The following SNTB1 variants were observed in gnomAD, a reference collection of about 807,000 sequenced individuals.
The protein encoded by SNTB1 is syntrophin beta 1.
In SNTB1, 36 loss-of-function variants were observed where a neutral mutation model predicts 48.9. That is an observed-to-expected ratio of 0.74 (90% CI 0.56 to 0.97). SNTB1 has a LOEUF of 0.97. Ranked by LOEUF, SNTB1 falls within the 50% of genes least tolerant of loss-of-function variation. The probability of loss-of-function intolerance (pLI) is 0.00; values close to 1 mark genes in which losing one functional copy is unlikely to be tolerated. For missense variants in SNTB1, 786 were observed against 703.4 expected (o/e 1.12, Z -1.33); for synonymous variants, 299 against 294.6 (o/e 1.01, Z -0.15).
intron 6 of SNTB1, chr8:120,541,220 GTA>G (rs1815282735): frequency 2.0e-5 from 3 of 152,196 alleles, no homozygotes; most frequent in Admixed American, 2.0e-4. Flanking sequence ...GAGACGAGAC[GTA>G]TGTTACTTTA....
In SNTB1 at chr8:120,782,497, C is replaced by A. The variant is rs58065721; in HGVS notation, c.571+28776G>T. Among the ~76,000 whole-genome samples, 849 of 152,176 alleles carry A rather than the reference C, an allele frequency of 5.6e-3. 10 individuals are homozygous for A. Among genetic ancestry groups the A allele is most frequent in the African/African-American group, 0.018 (741 of 41,510 alleles). Reference sequence around the variant, plus strand: ...TGGTTAGAGATTTCCTGCACATTTACCTATTTTTAAAAACTCTATTAAATA... The same window carrying A: ...TGGTTAGAGATTTCCTGCACATTTAACTATTTTTAAAAACTCTATTAAATA... On this transcript the variant is annotated intron_variant, in intron 1 of 6. Transcript: ENST00000517992.
chr8:120,654,555 C>T (rs1034336735), intron 2 of SNTB1, among the ~76,000 whole-genome samples: 2 of 152,138 alleles, frequency 1.3e-5, no homozygotes, highest in African/African-American at 4.8e-5. Context: ...GGAACTATTT[C>T]TGATAACAGC....
At chr8:120,771,733 C>A (rs547556229) in intron 1 of SNTB1, among the ~76,000 whole-genome samples, 1 of 151,536 alleles carries the variant, frequency 6.6e-6, no homozygotes, top group East Asian at 1.9e-4. Context: ...TAATTTACAT[C>A]AAGCTCTCTG....
At chr8:120,548,363 A>G (rs1449156188) in intron 5 of SNTB1, among the ~76,000 whole-genome samples, 1 of 152,152 alleles carries the variant, frequency 6.6e-6, no homozygotes, top group East Asian at 1.9e-4. Flanking sequence ...TTTTCTGATC[A>G]ATCCTATTAA....
chr8:120,722,756 A>G (rs1167075296), intron 1 of SNTB1, among the ~76,000 whole-genome samples: 1 of 152,140 alleles, frequency 6.6e-6, no homozygotes, highest in Admixed American at 6.5e-5. Flanking sequence ...ATTAGATCCC[A>G]TTTGTCAATT....
At chr8:120,806,431 A>C (rs6985848) in intron 1 of SNTB1, among the ~76,000 whole-genome samples, 1 of 152,054 alleles carries the variant, frequency 6.6e-6, no homozygotes, top group Non-Finnish European at 1.5e-5. Flanking sequence ...ATGACCTCTG[A>C]TGTAGTTGTG....
intron 3 of SNTB1, among the ~76,000 whole-genome samples, chr8:120,601,312 T>C (rs948493430): frequency 9.9e-5 from 15 of 152,162 alleles, no homozygotes; most frequent in Non-Finnish European, 1.9e-4. Flanking sequence ...TGGTAAAATT[T>C]AGATTTCGTT....
intron 2 of SNTB1, among the ~76,000 whole-genome samples, chr8:120,667,648 G>A (rs1817695732): frequency 6.6e-6 from 1 of 152,130 alleles, no homozygotes; most frequent in East Asian, 1.9e-4. Flanking sequence ...GTGAACAACT[G>A]CGTGTGGCCC....
At chr8:120,666,315 C>T (rs1817672948) in intron 2 of SNTB1, among the ~76,000 whole-genome samples, 1 of 152,184 alleles carries the variant, frequency 6.6e-6, no homozygotes, top group African/African-American at 2.4e-5. Flanking sequence ...GTCTTCATTT[C>T]ACCTTAATTT....
intron 2 of SNTB1, among the ~76,000 whole-genome samples, chr8:120,671,596 C>T (rs145086699): frequency 7.9e-5 from 12 of 152,298 alleles, no homozygotes; most frequent in East Asian, 1.9e-4. Context: ...TGGTACCTTG[C>T]GGTTTTGGCC....
At chr8:120,620,206 G>A (rs1330674350) in intron 3 of SNTB1, among the ~76,000 whole-genome samples, 2 of 152,156 alleles carry the variant, frequency 1.3e-5, no homozygotes, top group Non-Finnish European at 2.9e-5. Flanking sequence ...AGACATGCAA[G>A]CTAGAGAGCT....
intron 4 of SNTB1, among the ~76,000 whole-genome samples, chr8:120,551,603 G>T (rs1011805956): frequency 6.6e-6 from 1 of 151,726 alleles, no homozygotes; most frequent in African/African-American, 2.4e-5. Flanking sequence ...GCATGTGCCT[G>T]TAATCCCAGC....
intron 2 of SNTB1, among the ~76,000 whole-genome samples, chr8:120,645,237 C>T (rs1817269875): frequency 6.6e-6 from 1 of 152,050 alleles, no homozygotes; most frequent in Admixed American, 6.6e-5. Flanking sequence ...AAATCCTTGC[C>T]CATGCCTATG....
chr8:120,626,419 C>T (rs1816883568), intron 3 of SNTB1, among the ~76,000 whole-genome samples: 1 of 152,254 alleles, frequency 6.6e-6, no homozygotes, highest in East Asian at 1.9e-4. Context: ...AGGATCATTA[C>T]ATGACCTTTA....
At chr8:120,689,048 A>T (rs1818081568) in intron 2 of SNTB1, among the ~76,000 whole-genome samples, 1 of 152,210 alleles carries the variant, frequency 6.6e-6, no homozygotes, top group Non-Finnish European at 1.5e-5. Context: ...AAGAGGTAGA[A>T]TAATAAAAAT....
chr8:120,771,741 C>G lies in SNTB1; in HGVS notation c.571+39532G>C, dbSNP rs1464064826. Among the ~76,000 whole-genome samples, 4 of 151,880 alleles carry G rather than the reference C, an allele frequency of 2.6e-5. No individual in the cohort carries two copies. The East Asian group carries it at 7.7e-4, about 29-fold the overall frequency. On this transcript the variant is annotated intron_variant, in intron 1 of 6. Coordinates refer to ENST00000517992, the MANE Select transcript of SNTB1 (RefSeq NM_021021.4). Reference sequence around the variant, plus strand: ...AGAGCTTTAATTTACATCAAGCTCTCTGAGCCTCTTTATAATATAACTTAG... The same window carrying G: ...AGAGCTTTAATTTACATCAAGCTCTGTGAGCCTCTTTATAATATAACTTAG...
At chr8:120,737,575 C>CA (rs1017548588) in intron 1 of SNTB1, among the ~76,000 whole-genome samples, 1 of 152,120 alleles carries the variant, frequency 6.6e-6, no homozygotes, top group African/African-American at 2.4e-5. Flanking sequence ...GATCTAATCA[C>CA]AAGCAATATG....
Position 120,569,501 on chromosome 8 carries a change from T to G in SNTB1, c.1136+5585A>C, listed in dbSNP as rs192464088. Among the ~76,000 whole-genome samples, 67 of 152,354 alleles carry G rather than the reference T, an allele frequency of 4.4e-4. 1 individual carries two copies. Among genetic ancestry groups the G allele is most frequent in the Middle Eastern group, 3.4e-3 (1 of 294 alleles). On this transcript the variant is annotated intron_variant, in intron 4 of 6. Transcript: ENST00000517992. ...GTTTCTGCACATCCATCTCTCCTTC[T>G]GGGCCTTTGCTTTTAAGGAATCACA...
At chr8:120,785,150 C>G (rs891276533) in intron 1 of SNTB1, among the ~76,000 whole-genome samples, 1 of 152,180 alleles carries the variant, frequency 6.6e-6, no homozygotes, top group African/African-American at 2.4e-5. Flanking sequence ...TTTAGAGAAA[C>G]CCCCAGCTGA....
Sources: allele counts gnomAD v4.1 joint callset (sites outside exome capture counted in the v4.1 genomes callset), GRCh38; gene constraint gnomAD v4.1.1; transcripts MANE v1.5; gene names NCBI Gene and HGNC (gene_info 2026-07-23, HGNC 2026-07-21).